EYS: variants seen among roughly 807,000 people sequenced by gnomAD.
EYS encodes the protein EGF-like photoreceptor maintenance factor, also known as protein eyes shut homolog.
Under a neutral mutation model 282.1 loss-of-function variants are expected in EYS, and 250 were observed. The ratio of observed to expected loss-of-function variants is 0.89; its 90% CI spans 0.80 to 0.98. The LOEUF (loss-of-function observed/expected upper bound fraction) is 0.98, where lower values mean the gene tolerates loss of function less well. EYS is among the 50% of genes least tolerant of loss of function. The pLI is 0.00. For missense variants in EYS, 4,016 were observed against 3,709.0 expected, an observed-to-expected ratio of 1.08 and a Z score of -2.15; for synonymous variants, 1,355 against 1,282.9, an observed-to-expected ratio of 1.06 and a Z score of -1.20.
At position 63,922,928 on chromosome 6, in the gene EYS, C is replaced by T. The variant is rs924612669; in HGVS notation, c.7056-58570G>A. On this transcript the variant is annotated intron_variant, in intron 35 of 42. Transcript: ENST00000503581. ...CTAGTCTTGCCTTGACAAATACTGACGTTGTGACTTTGAAGAAGTCATTTT... is the reference window on the plus strand; with the variant it reads ...CTAGTCTTGCCTTGACAAATACTGATGTTGTGACTTTGAAGAAGTCATTTT... Among the ~76,000 whole-genome samples, 11 of 152,124 alleles carry T rather than the reference C, an allele frequency of 7.2e-5. No individual in the cohort carries two copies. In the East Asian group the frequency reaches 1.5e-3, roughly 21 times the overall value.
chr6:65,075,674 C>A (rs1774028075), intron 12 of EYS, among the ~76,000 whole-genome samples: 1 of 151,616 alleles, frequency 6.6e-6, no homozygotes, highest in Non-Finnish European at 1.5e-5. Context: ...AATACTAGTT[C>A]CTGCATCTAT....
At chr6:65,009,056 C>T (rs1317449771) in intron 13 of EYS, among the ~76,000 whole-genome samples, 1 of 152,162 alleles carries the variant, frequency 6.6e-6, no homozygotes, top group African/African-American at 2.4e-5. Flanking sequence ...GGCCATTATA[C>T]ACGTGAACAT....
At chr6:64,066,307 C>G (rs556927717) in intron 33 of EYS, 31 bp downstream of exon 33, 1 of 1,523,140 alleles carries the variant, frequency 6.6e-7, no homozygotes, top group Non-Finnish European at 8.8e-7. Context: ...AATTTCAGCA[C>G]GAAAGAACTA....
intron 8 of EYS, among the ~76,000 whole-genome samples, chr6:65,366,848 T>G (rs1764931054): frequency 6.6e-6 from 1 of 151,634 alleles, no homozygotes; most frequent in South Asian, 2.1e-4. Context: ...GCCTATATTA[T>G]TTGGCTTGTA....
At chr6:64,427,041 A>G (rs1774434701) in intron 28 of EYS, among the ~76,000 whole-genome samples, 1 of 152,180 alleles carries the variant, frequency 6.6e-6, no homozygotes, top group Non-Finnish European at 1.5e-5. Context: ...CAAGTGAAAA[A>G]TAACTAGATC....
chr6:64,250,235 A>C (rs1019704703), intron 30 of EYS, among the ~76,000 whole-genome samples: 5 of 152,196 alleles, frequency 3.3e-5, no homozygotes, highest in Admixed American at 3.3e-4. Context: ...TGAGCACATG[A>C]ACTTATGTCA....
At chr6:65,135,520 T>C (rs1037025543) in intron 12 of EYS, among the ~76,000 whole-genome samples, 3 of 152,024 alleles carry the variant, frequency 2.0e-5, no homozygotes, top group African/African-American at 7.2e-5. Flanking sequence ...TTATAAAGAA[T>C]GTAGTTTCAG....
At chr6:64,110,221 C>T (rs891463327) in intron 31 of EYS, among the ~76,000 whole-genome samples, 1 of 151,728 alleles carries the variant, frequency 6.6e-6, no homozygotes, top group Non-Finnish European at 1.5e-5. Flanking sequence ...TTTCTTACTC[C>T]CTCTTTCTAC....
At chr6:65,663,667 T>C (rs1746851875) in intron 1 of EYS, among the ~76,000 whole-genome samples, 2 of 151,922 alleles carry the variant, frequency 1.3e-5, no homozygotes, top group African/African-American at 2.4e-5. Flanking sequence ...CATTAGTAGA[T>C]AAAATCTTTA....
chr6:64,336,621 T>C (rs1770859268), intron 29 of EYS, among the ~76,000 whole-genome samples: 1 of 152,094 alleles, frequency 6.6e-6, no homozygotes, highest in Admixed American at 6.6e-5. Flanking sequence ...TTAGAACAAA[T>C]GGACTTAATA....
chr6:64,093,405 G>T (rs1338599531), intron 31 of EYS, among the ~76,000 whole-genome samples: 1 of 152,040 alleles, frequency 6.6e-6, no homozygotes, highest in East Asian at 1.9e-4. Flanking sequence ...GTTCTTCTAT[G>T]TGTTTGTATC....
At position 64,657,375 on chromosome 6, in the gene EYS, G is replaced by A. The variant is rs539896791; in HGVS notation, c.3444-31130C>T. Among the ~76,000 whole-genome samples, 5 of 152,244 alleles carry A rather than the reference G, an allele frequency of 3.3e-5. No individual in the cohort carries two copies. The South Asian group carries it at 8.3e-4, about 25-fold the overall frequency. ...TTACATTTAGGCTTAATATTGTTAC[G>A]TGTGAATTTGATTCTGTCATTATGA... On this transcript the variant is annotated intron_variant, in intron 22 of 42. Coordinates refer to ENST00000503581, the MANE Select transcript of EYS (RefSeq NM_001142800.2).
intron 12 of EYS, among the ~76,000 whole-genome samples, chr6:65,083,017 T>C (rs1774269135): frequency 6.6e-6 from 1 of 151,960 alleles, no homozygotes; most frequent in Admixed American, 6.6e-5. Context: ...AGACTACAAG[T>C]GGAGAATGTT....
intron 22 of EYS, among the ~76,000 whole-genome samples, chr6:64,658,087 T>G (rs9363069): frequency 1.3e-5 from 2 of 151,860 alleles, no homozygotes; most frequent in East Asian, 3.9e-4. Flanking sequence ...CTTCTCTTCT[T>G]GCTTCATTTC....
At chr6:64,928,924 C>A (rs540378252) in intron 15 of EYS, among the ~76,000 whole-genome samples, 2 of 152,086 alleles carry the variant, frequency 1.3e-5, no homozygotes, top group South Asian at 4.2e-4. Context: ...TATGGCTATG[C>A]TAAATTATAA....
chr6:65,392,778 T>C (rs1766100427), intron 7 of EYS, among the ~76,000 whole-genome samples: 1 of 150,858 alleles, frequency 6.6e-6, no homozygotes, highest in Admixed American at 6.7e-5. Context: ...TCCTCAGGGA[T>C]CTGGAACTAG....
At chr6:65,299,372 C>A (rs1164244012) in intron 11 of EYS, among the ~76,000 whole-genome samples, 5 of 152,016 alleles carry the variant, frequency 3.3e-5, no homozygotes, top group African/African-American at 4.8e-5. Flanking sequence ...GATATCAACA[C>A]TTCCTTTTCC....
chr6:64,023,606 T>C (rs1277595853), intron 33 of EYS, among the ~76,000 whole-genome samples: 1 of 152,252 alleles, frequency 6.6e-6, no homozygotes, highest in East Asian at 1.9e-4. Context: ...TGTGAAGTGG[T>C]ATTGAGAGGC....
intron 12 of EYS, among the ~76,000 whole-genome samples, chr6:65,246,851 T>C (rs1390571986): frequency 6.6e-6 from 1 of 152,156 alleles, no homozygotes; most frequent in Admixed American, 6.5e-5. Context: ...TTCTTGCTTT[T>C]TCATTCACTG....
Sources: allele counts gnomAD v4.1 joint callset (sites outside exome capture counted in the v4.1 genomes callset), GRCh38; gene constraint gnomAD v4.1.1; transcripts MANE v1.5; gene names NCBI Gene and HGNC (gene_info 2026-07-23, HGNC 2026-07-21).